CABIN1: variants seen among roughly 807,000 people sequenced by gnomAD.
CABIN1 encodes calcineurin-binding protein cabin-1.
Under a neutral mutation model 227.7 loss-of-function variants are expected in CABIN1, and 133 were observed. The ratio of observed to expected loss-of-function variants is 0.58; its 90% CI spans 0.51 to 0.67. The LOEUF (loss-of-function observed/expected upper bound fraction) is 0.67. CABIN1 is among the 30% of genes least tolerant of loss of function. CABIN1 has a pLI of 0.00. For synonymous variants in CABIN1, 1,086 were observed against 1,155.1 expected (o/e 0.94, Z 1.21); for missense variants, 2,408 against 2,852.5 (o/e 0.84, Z 3.55).
chr22:24,072,229 C>A, intron 17 of CABIN1, 125 bp from the exon 18 acceptor site: 1 of 913,988 alleles, frequency 1.1e-6, no homozygotes, highest in Non-Finnish European at 1.7e-6. Flanking sequence ...GTGCCCACAT[C>A]TGAGCAGTGG....
At chr22:24,038,214 G>C in intron 3 of CABIN1, 134 bp from the exon 4 acceptor site, 6 of 697,102 alleles carry the variant, frequency 8.6e-6, no homozygotes, top group South Asian at 7.3e-5. Context: ...GTTGGGAGGT[G>C]GGGGAGCTGA....
chr22:24,019,650 C>CTTTT (rs34361694), intron 1 of CABIN1, among the ~76,000 whole-genome samples: 90 of 87,006 alleles, frequency 1.0e-3, no homozygotes, highest in Non-Finnish European at 1.3e-3. Context: ...TTTCTTTACC[C>CTTTT]TTTTTTTTTT....
At chr22:24,015,340 T>C (rs2035187509) in intron 1 of CABIN1, among the ~76,000 whole-genome samples, 1 of 149,054 alleles carries the variant, frequency 6.7e-6, no homozygotes, top group Admixed American at 6.7e-5. Context: ...CATAGAGATC[T>C]TCTTCATTCT....
At chr22:24,062,714 T>G (rs1239826679) in intron 13 of CABIN1, among the ~76,000 whole-genome samples, 2 of 152,158 alleles carry the variant, frequency 1.3e-5, no homozygotes, top group African/African-American at 2.4e-5. Context: ...CAATGCTGTC[T>G]GTAAAATTGC....
intron 19 of CABIN1, among the ~76,000 whole-genome samples, chr22:24,079,602 A>G (rs1045087763): frequency 2.0e-5 from 3 of 152,184 alleles, no homozygotes; most frequent in Non-Finnish European, 4.4e-5. Flanking sequence ...AAGGCATGAA[A>G]TGGTATTTCA....
intron 29 of CABIN1, among the ~76,000 whole-genome samples, chr22:24,156,240 C>G (rs2045798254): frequency 6.6e-6 from 1 of 152,100 alleles, no homozygotes; most frequent in African/African-American, 2.4e-5. Flanking sequence ...CCCGCCTCGG[C>G]GCACCAGGCG....
chr22:24,121,258 G>C (rs997897117), intron 28 of CABIN1, among the ~76,000 whole-genome samples: 1 of 152,180 alleles, frequency 6.6e-6, no homozygotes, highest in Admixed American at 6.5e-5. Flanking sequence ...GCAGGAAGTG[G>C]CACTTCACAG....
intron 14 of CABIN1, 36 bp from the exon 15 acceptor site, chr22:24,063,999 T>G: frequency 6.2e-7 from 1 of 1,613,548 alleles, no homozygotes; most frequent in East Asian, 2.2e-5. Flanking sequence ...GTCAGTCTTC[T>G]GCTTTGGTTC....
At chr22:24,112,774 C>T (rs1319509604) in intron 26 of CABIN1, among the ~76,000 whole-genome samples, 1 of 152,126 alleles carries the variant, frequency 6.6e-6, no homozygotes, top group African/African-American at 2.4e-5. Flanking sequence ...TTTTCCTTTT[C>T]CCTTCCCCAG....
At chr22:24,163,955 G>A (rs1420913793) in intron 29 of CABIN1, among the ~76,000 whole-genome samples, 2 of 152,190 alleles carry the variant, frequency 1.3e-5, no homozygotes, top group African/African-American at 2.4e-5. Flanking sequence ...GGAGAGAGTG[G>A]GTGAGGGCAG....
At chr22:24,045,414 G>T (rs986161539) in intron 6 of CABIN1, among the ~76,000 whole-genome samples, 2 of 151,844 alleles carry the variant, frequency 1.3e-5, no homozygotes, top group African/African-American at 4.8e-5. Context: ...AGAAGTTCAA[G>T]AACAGCCTGG....
At chr22:24,050,799 T>C in intron 7 of CABIN1, 26 bp from the exon 8 acceptor site, 3 of 1,614,084 alleles carry the variant, frequency 1.9e-6, no homozygotes, top group Non-Finnish European at 2.5e-6. Flanking sequence ...AACATGATAA[T>C]TTCTCCCTGT....
chr22:24,106,005 G>A (rs995581691), intron 26 of CABIN1, among the ~76,000 whole-genome samples: 4 of 152,188 alleles, frequency 2.6e-5, no homozygotes, highest in Non-Finnish European at 5.9e-5. Flanking sequence ...GAGGAGGTAG[G>A]ACTGGAGCCA....
intron 32 of CABIN1, among the ~76,000 whole-genome samples, chr22:24,167,535 C>T (rs1021771590): frequency 4.6e-5 from 7 of 152,226 alleles, no homozygotes; most frequent in African/African-American, 1.4e-4. Context: ...TCACAACCAG[C>T]GCGGGGAGTC....
intron 20 of CABIN1, 39 bp from the exon 21 acceptor site, chr22:24,084,540 T>A: frequency 6.6e-7 from 1 of 1,519,212 alleles, no homozygotes. Flanking sequence ...TCATTTACCC[T>A]GAATGTGTTA....
chr22:24,170,219 C>T (rs548734571), intron 33 of CABIN1: 1 of 450,994 alleles, frequency 2.2e-6, no homozygotes, highest in African/African-American at 2.0e-5. Flanking sequence ...GAGAAGATGC[C>T]ACTGTAGGGG....
chr22:24,130,254 G>C (rs938048560), intron 28 of CABIN1, among the ~76,000 whole-genome samples: 1 of 152,194 alleles, frequency 6.6e-6, no homozygotes, highest in East Asian at 1.9e-4. Context: ...AGAGAGGGCT[G>C]GCCATGATGG....
At chr22:24,051,681 A>G (rs2038347031) in intron 8 of CABIN1, among the ~76,000 whole-genome samples, 1 of 152,092 alleles carries the variant, frequency 6.6e-6, no homozygotes, top group Non-Finnish European at 1.5e-5. Context: ...CCTGGATCAG[A>G]CTGACCTGAC....
chr22:24,026,963 C>T (rs1274365650), intron 1 of CABIN1, among the ~76,000 whole-genome samples: 1 of 152,152 alleles, frequency 6.6e-6, no homozygotes, highest in Non-Finnish European at 1.5e-5. Context: ...ATCTGTAGGT[C>T]TGTTTGGGGG....
Sources: allele counts gnomAD v4.1 joint callset (sites outside exome capture counted in the v4.1 genomes callset), GRCh38; gene constraint gnomAD v4.1.1; transcripts MANE v1.5; gene names NCBI Gene and HGNC (gene_info 2026-07-23, HGNC 2026-07-21).